RNF150: variants seen among roughly 807,000 people sequenced by gnomAD.
RNF150 encodes ring finger protein 150.
Under a neutral mutation model 39.3 loss-of-function variants are expected in RNF150, and 24 were observed. The ratio of observed to expected loss-of-function variants is 0.61; its 90% CI spans 0.44 to 0.86. The LOEUF is 0.86. RNF150 is among the 40% of genes least tolerant of loss of function. The pLI is 0.00. For missense variants in RNF150, 502 were observed against 587.8 expected (o/e 0.85, Z 1.51); for synonymous variants, 255 against 227.3 (o/e 1.12, Z -1.10).
chr4:141,007,930 G>A (rs2110735996), intron 1 of RNF150, among the ~76,000 whole-genome samples: 1 of 152,270 alleles, frequency 6.6e-6, no homozygotes, highest in East Asian at 1.9e-4. Context: ...TTGCCAAAGT[G>A]AAGCCAGTGA....
chr4:141,134,893 C>T (rs1222245453), upstream of RNF150, among the ~76,000 whole-genome samples: 1 of 152,168 alleles, frequency 6.6e-6, no homozygotes, highest in Non-Finnish European at 1.5e-5. Flanking sequence ...ACAGTGTTTC[C>T]CCAGTCTTCT....
At chr4:140,976,585 T>A (rs993800335) in intron 1 of RNF150, among the ~76,000 whole-genome samples, 2 of 151,902 alleles carry the variant, frequency 1.3e-5, no homozygotes, top group Admixed American at 6.6e-5. Context: ...AAAGACGTCA[T>A]TTTCCAGTGC....
chr4:140,892,700 C>A (rs551797979), intron 6 of RNF150, among the ~76,000 whole-genome samples: 1 of 136,290 alleles, frequency 7.3e-6, no homozygotes, highest in Non-Finnish European at 1.5e-5. Flanking sequence ...GGGATGTCGG[C>A]GACTTCTTGG....
At chr4:141,115,604 C>T (rs1161441066) in intron 1 of RNF150, among the ~76,000 whole-genome samples, 2 of 152,180 alleles carry the variant, frequency 1.3e-5, no homozygotes, top group Non-Finnish European at 2.9e-5. Context: ...CATCAAGCTA[C>T]CACTGACTTT....
At chr4:141,087,220 A>G (rs1158999674) in intron 1 of RNF150, among the ~76,000 whole-genome samples, 1 of 152,200 alleles carries the variant, frequency 6.6e-6, no homozygotes, top group African/African-American at 2.4e-5. Flanking sequence ...CGCACTTATA[A>G]GTTAGAACAT....
chr4:141,157,384 A>G (rs1560762813), intron 1 of RNF150, among the ~76,000 whole-genome samples: 2 of 152,186 alleles, frequency 1.3e-5, no homozygotes, highest in Non-Finnish European at 2.9e-5. Flanking sequence ...CCCTCAGAAG[A>G]AGAGTAGAAT....
intron 1 of RNF150, among the ~76,000 whole-genome samples, chr4:140,975,927 C>T (rs904001940): frequency 6.6e-6 from 1 of 152,142 alleles, no homozygotes; most frequent in Non-Finnish European, 1.5e-5. Flanking sequence ...GATCCTCATT[C>T]GATCATCGAA....
At chr4:140,949,027 C>A (rs1281988246) in intron 3 of RNF150, among the ~76,000 whole-genome samples, 1 of 152,132 alleles carries the variant, frequency 6.6e-6, no homozygotes, top group Non-Finnish European at 1.5e-5. Flanking sequence ...TTTAGGTAAT[C>A]CATTTGTGTA....
intron 1 of RNF150, among the ~76,000 whole-genome samples, chr4:141,185,409 T>G (rs143305225): frequency 2.0e-3 from 309 of 152,114 alleles, no homozygotes; most frequent in African/African-American, 6.8e-3. Context: ...AAGTTGCTTA[T>G]CAGCTTAAGG....
At chr4:140,912,978 A>AAAAAAAC (rs1560962406) in intron 5 of RNF150, among the ~76,000 whole-genome samples, 1 of 116,296 alleles carries the variant, frequency 8.6e-6, no homozygotes, top group African/African-American at 3.1e-5. Context: ...AAAAAAAAAA[A>AAAAAAAC]AAAAAACACC....
chr4:140,904,029 A>C (rs995133290), intron 6 of RNF150, among the ~76,000 whole-genome samples: 14 of 152,222 alleles, frequency 9.2e-5, no homozygotes, highest in African/African-American at 3.4e-4. Context: ...GTTATTGCGG[A>C]AAACCCTGTG....
chr4:140,895,370 T>C (rs1729904747), intron 6 of RNF150, among the ~76,000 whole-genome samples: 1 of 152,170 alleles, frequency 6.6e-6, no homozygotes. Context: ...AGCATAGCTA[T>C]GCATCAATGT....
intron 1 of RNF150, among the ~76,000 whole-genome samples, chr4:141,207,816 T>C (rs1367924320): frequency 6.6e-6 from 1 of 152,208 alleles, no homozygotes; most frequent in Non-Finnish European, 1.5e-5. Flanking sequence ...TTTTTACCAC[T>C]AAAGGTTAAA....
intron 5 of RNF150, among the ~76,000 whole-genome samples, chr4:140,920,741 C>T (rs371266868): frequency 0.033 from 5,064 of 151,906 alleles, 110 homozygotes; most frequent in Middle Eastern, 0.092. Context: ...TGCACACATA[C>T]GTTTATTGCG....
chr4:141,060,735 C>A (rs1737185444), intron 1 of RNF150, among the ~76,000 whole-genome samples: 1 of 152,146 alleles, frequency 6.6e-6, no homozygotes, highest in African/African-American at 2.4e-5. Context: ...GACCTGGAAC[C>A]AACCCAAATG....
chr4:140,997,292 T>C (rs77975116), intron 1 of RNF150, among the ~76,000 whole-genome samples: 4 of 152,252 alleles, frequency 2.6e-5, no homozygotes, highest in South Asian at 4.1e-4. Context: ...GTATACATAC[T>C]ATCAAATATT....
chr4:141,058,513 C>A (rs1308868473), intron 1 of RNF150, among the ~76,000 whole-genome samples: 2 of 152,118 alleles, frequency 1.3e-5, no homozygotes, highest in Non-Finnish European at 2.9e-5. Context: ...TGTTTAGTAA[C>A]AGTTGCCGAA....
intron 1 of RNF150, among the ~76,000 whole-genome samples, chr4:141,074,138 AATAT>A (rs1404074537): frequency 6.6e-6 from 1 of 152,112 alleles, no homozygotes; most frequent in Non-Finnish European, 1.5e-5. Flanking sequence ...TCTTTTAAAA[AATAT>A]ATAATGAATA....
At chr4:141,025,902 TA>T (rs1431023502) in intron 1 of RNF150, among the ~76,000 whole-genome samples, 1 of 152,178 alleles carries the variant, frequency 6.6e-6, no homozygotes, top group African/African-American at 2.4e-5. Flanking sequence ...AATGTGATGA[TA>T]TTTGGACGTA....
Sources: allele counts gnomAD v4.1 joint callset (sites outside exome capture counted in the v4.1 genomes callset), GRCh38; gene constraint gnomAD v4.1.1; transcripts MANE v1.5; gene names NCBI Gene and HGNC (gene_info 2026-07-23, HGNC 2026-07-21).